SBF2: variants seen among roughly 807,000 people sequenced by gnomAD.
SBF2 encodes myotubularin-related protein 13.
Under a neutral mutation model 225.2 loss-of-function variants are expected in SBF2, and 112 were observed. The observed-to-expected ratio is 0.50, with a 90% confidence interval of 0.43 to 0.58. The LOEUF (loss-of-function observed/expected upper bound fraction) is 0.58, where lower values mean the gene tolerates loss of function less well. Among genes scored for constraint, SBF2 ranks in the 20% least tolerant of loss-of-function variants. The pLI, the probability that SBF2 is intolerant of heterozygous loss-of-function variation, is 0.00. For missense variants in SBF2, 1,996 were observed against 2,206.2 expected, an observed-to-expected ratio of 0.90 and a Z score of 1.91; for synonymous variants, 763 against 773.3, an observed-to-expected ratio of 0.99 and a Z score of 0.22.
At chr11:9,997,579 C>T (rs1947759009) in intron 9 of SBF2, among the ~76,000 whole-genome samples, 1 of 152,084 alleles carries the variant, frequency 6.6e-6, no homozygotes, top group South Asian at 2.1e-4. Context: ...GAGATCGAGA[C>T]CATCCTGACT....
chr11:10,135,987 T>C (rs748529302), intron 2 of SBF2, among the ~76,000 whole-genome samples: 2 of 152,154 alleles, frequency 1.3e-5, no homozygotes, highest in Non-Finnish European at 2.9e-5. Flanking sequence ...TACCTGATAC[T>C]GGGCGATTTA....
At chr11:9,992,003 C>T (rs545808809) in intron 12 of SBF2, among the ~76,000 whole-genome samples, 71 of 152,192 alleles carry the variant, frequency 4.7e-4, no homozygotes, top group African/African-American at 1.6e-3. Context: ...TCTATTTATA[C>T]AATCACTATT....
At chr11:9,924,385 G>A (rs1295899738) in intron 16 of SBF2, among the ~76,000 whole-genome samples, 1 of 152,138 alleles carries the variant, frequency 6.6e-6, no homozygotes, top group African/African-American at 2.4e-5. Context: ...GCTAGGCTAA[G>A]CTATGTTGTT....
intron 1 of SBF2, among the ~76,000 whole-genome samples, chr11:10,238,519 T>A (rs1959166906): frequency 7.3e-6 from 1 of 136,440 alleles, no homozygotes; most frequent in East Asian, 2.0e-4. Context: ...TGAAAAAAGC[T>A]TGAATTCCAC....
At chr11:10,035,121 C>A (rs560975320) in intron 3 of SBF2, among the ~76,000 whole-genome samples, 1 of 152,098 alleles carries the variant, frequency 6.6e-6, no homozygotes, top group South Asian at 2.1e-4. Context: ...CCCGCCACCA[C>A]GCCTGGCTAA....
chr11:9,954,337 T>C (rs907733370), intron 16 of SBF2, among the ~76,000 whole-genome samples: 1 of 152,196 alleles, frequency 6.6e-6, no homozygotes, highest in Non-Finnish European at 1.5e-5. Context: ...TTGGCCACTC[T>C]GCCTTGAAAC....
At chr11:10,232,176 G>A (rs1958881244) in intron 1 of SBF2, among the ~76,000 whole-genome samples, 1 of 152,204 alleles carries the variant, frequency 6.6e-6, no homozygotes. Flanking sequence ...ATTAGGGTGG[G>A]AGTGACCCGA....
intron 1 of SBF2, among the ~76,000 whole-genome samples, chr11:10,264,315 T>C (rs1961722559): frequency 1.3e-5 from 2 of 151,840 alleles, no homozygotes; most frequent in African/African-American, 2.4e-5. Context: ...ATGTTGAGAA[T>C]AACTGACAGA....
chr11:10,078,917 T>A (rs1182490807), intron 2 of SBF2, among the ~76,000 whole-genome samples: 1 of 152,174 alleles, frequency 6.6e-6, no homozygotes, highest in Non-Finnish European at 1.5e-5. Context: ...TGACTGCAAC[T>A]AGCATTTAAG....
chr11:9,949,730 T>C (rs928621246), intron 16 of SBF2, among the ~76,000 whole-genome samples: 2 of 152,152 alleles, frequency 1.3e-5, no homozygotes, highest in African/African-American at 4.8e-5. Context: ...CCTTTCTTTA[T>C]ATTGTATCTA....
Position 9,856,503 on chromosome 11 carries a change from G to A in SBF2, c.2318C>T (p.Ala773Val), listed in dbSNP as rs750527598. ...TSKNKLLRTSAPGDWESGSNS... is the reference protein window; with the variant it reads ...TSKNKLLRTSVPGDWESGSNS... ...GCTTCCGCTCTCCCAGTCACCTGGC[G>A]CTGATGTTCTTAGGAGCTTGTTTTT... Residue 773 changes from alanine (A) to valine (V), a missense_variant, in exon 19 of 40, where the codon GCG becomes GTG. By Grantham distance (64) the Ala-to-Val change is moderately conservative. Coordinates refer to ENST00000256190, the MANE Select transcript of SBF2 (RefSeq NM_030962.4). 2.5e-6 allele frequency: 4 copies of A among 1,614,044 alleles called. No individual in the cohort carries two copies. Among genetic ancestry groups the A allele is most frequent in the East Asian group, 2.2e-5 (1 of 44,894 alleles).
chr11:10,196,866 A>ATATATATATATATATATATTTTTTTT, intron 1 of SBF2, among the ~76,000 whole-genome samples: 20 of 99,282 alleles, frequency 2.0e-4, no homozygotes, highest in South Asian at 7.0e-4. Context: ...ATATATATAT[A>ATATATATATATATATATATTTTTTTT]TTTTTTTTTT....
intron 1 of SBF2, among the ~76,000 whole-genome samples, chr11:10,215,366 T>C (rs761780522): frequency 2.3e-4 from 35 of 152,254 alleles, no homozygotes; most frequent in African/African-American, 5.8e-4. Flanking sequence ...CTATCAATTA[T>C]TGCATTGTTG....
At chr11:10,096,409 T>C (rs548565672) in intron 2 of SBF2, among the ~76,000 whole-genome samples, 94 of 134,104 alleles carry the variant, frequency 7.0e-4, no homozygotes, top group Non-Finnish European at 6.6e-4. Context: ...ATTAGCCTTA[T>C]AAGTCAAAGT....
At chr11:10,167,753 C>A (rs1174917073) in intron 2 of SBF2, among the ~76,000 whole-genome samples, 1 of 152,250 alleles carries the variant, frequency 6.6e-6, no homozygotes, top group African/African-American at 2.4e-5. Flanking sequence ...CACGGTGGCT[C>A]ATGCCTGTAA....
chr11:10,130,823 A>C (rs1565264376), intron 2 of SBF2, among the ~76,000 whole-genome samples: 1 of 152,134 alleles, frequency 6.6e-6, no homozygotes, highest in East Asian at 1.9e-4. Context: ...TTTTTCACTT[A>C]CATAATGCTC....
intron 2 of SBF2, among the ~76,000 whole-genome samples, chr11:10,175,323 C>G (rs950838045): frequency 1.3e-5 from 2 of 151,254 alleles, no homozygotes; most frequent in East Asian, 3.9e-4. Flanking sequence ...GAAGATCTAC[C>G]AAGCAAATGG....
chr11:9,823,760 A>G (rs1230922088), intron 28 of SBF2, among the ~76,000 whole-genome samples: 1 of 152,212 alleles, frequency 6.6e-6, no homozygotes, highest in Non-Finnish European at 1.5e-5. Context: ...TACTTTGAGA[A>G]GGAATGACAC....
At chr11:10,057,928 C>A (rs1321322705) in intron 2 of SBF2, among the ~76,000 whole-genome samples, 1 of 152,178 alleles carries the variant, frequency 6.6e-6, no homozygotes, top group Non-Finnish European at 1.5e-5. Context: ...CCTCTAAAAC[C>A]AGAGACAAGA....
Sources: gnomAD v4.1 joint callset for allele counts (sites outside exome capture counted in the v4.1 genomes callset) on GRCh38, gnomAD v4.1.1 for gene constraint, MANE v1.5 for transcripts, NCBI Gene and HGNC (gene_info 2026-07-23, HGNC 2026-07-21) for gene names.